The following FIRRM variants were observed in gnomAD, a reference collection of about 807,000 sequenced individuals.
FIRRM encodes FIGNL1 interacting regulator of recombination and mitosis, also known as FIGNL1-interacting regulator of recombination and mitosis.
the FIRRM span, chr1:169,807,752 A>G: frequency 1.3e-4 from 205 of 1,526,292 alleles, no homozygotes; most frequent in Admixed American, 8.6e-4. Context: ...TTGATGTGTT[A>G]CTTGTGGTGA....
At chr1:169,844,489 T>G in the FIRRM span, among the ~76,000 whole-genome samples, 18 of 152,246 alleles carry the variant, frequency 1.2e-4, no homozygotes, top group Admixed American at 1.0e-3. Flanking sequence ...CCTTCTTATT[T>G]ATGAAGATGA....
At chr1:169,807,994 C>T in the FIRRM span, 2 of 1,442,784 alleles carry the variant, frequency 1.4e-6, no homozygotes, top group East Asian at 4.7e-5. Flanking sequence ...TAGTAAATCT[C>T]ATTTGAATGT....
the FIRRM span, chr1:169,807,670 T>A: frequency 2.4e-6 from 2 of 824,942 alleles, no homozygotes; most frequent in Non-Finnish European, 3.5e-6. Flanking sequence ...TTATATTATG[T>A]GATATATGAT....
the FIRRM span, chr1:169,851,259 T>G: frequency 1.3e-5 from 2 of 153,198 alleles, no homozygotes; most frequent in Admixed American, 1.3e-4. Flanking sequence ...CTGAATTATT[T>G]GATATATTAC....
the FIRRM span, chr1:169,792,727 G>C: frequency 6.2e-7 from 1 of 1,613,698 alleles, no homozygotes; most frequent in African/African-American, 1.3e-5. Context: ...AATGTGCTTT[G>C]CTGGCCAAAA....
At chr1:169,836,477 G>C in the FIRRM span, among the ~76,000 whole-genome samples, 1 of 152,148 alleles carries the variant, frequency 6.6e-6, no homozygotes, top group African/African-American at 2.4e-5. Flanking sequence ...TTTGAAAGCT[G>C]AATCTTTGCT....
chr1:169,853,528 C>T, the FIRRM span: 1 of 617,436 alleles, frequency 1.6e-6, no homozygotes, highest in Non-Finnish European at 2.8e-6. Flanking sequence ...CCTCACCACC[C>T]AGGGCTTTTA....
chr1:169,808,630 C>T, the FIRRM span, among the ~76,000 whole-genome samples: 2 of 138,718 alleles, frequency 1.4e-5, no homozygotes, highest in Non-Finnish European at 1.5e-5. Flanking sequence ...TTTGAGATGG[C>T]GTCTCACTCT....
At chr1:169,783,928 G>GGT in the FIRRM span, 1 of 152,266 alleles carries the variant, frequency 6.6e-6, no homozygotes, top group African/African-American at 2.4e-5. Context: ...TGAGCCCACA[G>GGT]GTGTGTGCCA....
At chr1:169,796,030 T>A in the FIRRM span, 1 of 926,856 alleles carries the variant, frequency 1.1e-6, no homozygotes, top group South Asian at 4.9e-5. Context: ...TGAGCCCAGC[T>A]TTATACAATT....
chr1:169,799,182 TTGA>T, the FIRRM span, among the ~76,000 whole-genome samples: 13 of 152,238 alleles, frequency 8.5e-5, no homozygotes, highest in South Asian at 2.1e-4. Flanking sequence ...AAGTGTTTTG[TTGA>T]TGATGTATGT....
At chr1:169,795,114 A>G in the FIRRM span, 5 of 1,535,922 alleles carry the variant, frequency 3.3e-6, no homozygotes, top group African/African-American at 4.1e-5. Flanking sequence ...TGTCTCAGGA[A>G]GGTGCGGTCC....
At chr1:169,841,827 TTAAAG>T in the FIRRM span, among the ~76,000 whole-genome samples, 1 of 152,168 alleles carries the variant, frequency 6.6e-6, no homozygotes, top group African/African-American at 2.4e-5. Context: ...AAACTATTTA[TTAAAG>T]TAGATTTCTG....
chr1:169,845,863 ACCT>A, the FIRRM span, among the ~76,000 whole-genome samples: 1 of 152,162 alleles, frequency 6.6e-6, no homozygotes, highest in Non-Finnish European at 1.5e-5. Flanking sequence ...TGATATTTTG[ACCT>A]CCTCCAAATG....
chr1:169,791,197 G>C, the FIRRM span, among the ~76,000 whole-genome samples: 1 of 152,216 alleles, frequency 6.6e-6, no homozygotes, highest in Admixed American at 6.5e-5. Flanking sequence ...AGGGACCCCT[G>C]TTGCTAGGTA....
the FIRRM span, chr1:169,851,047 T>C: frequency 1.2e-4 from 5 of 42,432 alleles, no homozygotes; most frequent in African/African-American, 6.1e-4. Context: ...TCAGGGCCCT[T>C]TTTTTTTTTT....
At chr1:169,808,054 T>C in the FIRRM span, 1 of 931,808 alleles carries the variant, frequency 1.1e-6, no homozygotes, top group Non-Finnish European at 1.6e-6. Context: ...TTGGGTGTTT[T>C]TTTTTGATCT....
the FIRRM span, among the ~76,000 whole-genome samples, chr1:169,797,817 C>G: frequency 6.6e-6 from 1 of 152,198 alleles, no homozygotes; most frequent in Non-Finnish European, 1.5e-5. Context: ...GCTGGGACTA[C>G]AGGCGTGAGC....
chr1:169,852,551 C>T, the FIRRM span: 1 of 520,966 alleles, frequency 1.9e-6, no homozygotes. Context: ...GGACAGGATA[C>T]TTGTTGTATA....
Sources: allele counts gnomAD v4.1 joint callset (sites outside exome capture counted in the v4.1 genomes callset), GRCh38; gene constraint gnomAD v4.1.1; transcripts MANE v1.5; gene names NCBI Gene and HGNC (gene_info 2026-07-23, HGNC 2026-07-21).